KPNA5: variants seen among roughly 807,000 people sequenced by gnomAD.
KPNA5 encodes the protein importin subunit alpha-6.
In KPNA5, 46 loss-of-function variants were observed where a neutral mutation model predicts 71.3. The ratio of observed to expected loss-of-function variants is 0.65; its 90% CI spans 0.51 to 0.83. The LOEUF is 0.83. Among genes scored for constraint, KPNA5 ranks in the 40% least tolerant of loss-of-function variants. The pLI is 0.00. For synonymous variants in KPNA5, 207 were observed against 201.4 expected (o/e 1.03, Z -0.24); for missense variants, 547 against 628.3 (o/e 0.87, Z 1.38).
rs1339276318 is a variant in KPNA5 at position 116,692,133 on chromosome 6, A to G, written c.217A>G (p.Ser73Gly). Residue 73 changes from serine to glycine, a missense_variant, in exon 3 of 14, where the codon AGT becomes GGT. Transcript: ENST00000368564. ...LESPIQDPDI[S>G]STVPIPEEEV... ...AAGTCCTATACAGGATCCAGATATT[A>G]GTTCCACTGTACCCATTCCAGAGGT... 6.2e-7 allele frequency: 1 copy of G among 1,609,176 alleles called. No individual in the cohort carries two copies. Among genetic ancestry groups the G allele is most frequent in the East Asian group, 2.2e-5 (1 of 44,750 alleles).
At chr6:116,704,847 G>T (rs1451557741) in intron 6 of KPNA5, among the ~76,000 whole-genome samples, 1 of 152,138 alleles carries the variant, frequency 6.6e-6, no homozygotes, top group Admixed American at 6.6e-5. Context: ...AAAGTGCTGG[G>T]ATTACACGCG....
chr6:116,700,465 T>TA (rs1330449295), intron 5 of KPNA5, among the ~76,000 whole-genome samples: 1 of 151,688 alleles, frequency 6.6e-6, no homozygotes, highest in African/African-American at 2.4e-5. Context: ...TCTAAATAAA[T>TA]AAACAAACAA....
intron 1 of KPNA5, among the ~76,000 whole-genome samples, chr6:116,687,169 A>G (rs1278674711): frequency 6.6e-6 from 1 of 152,176 alleles, no homozygotes; most frequent in Non-Finnish European, 1.5e-5. Flanking sequence ...CAAGCATGGA[A>G]TGTTTTTCCA....
intron 8 of KPNA5, among the ~76,000 whole-genome samples, chr6:116,721,371 T>C (rs1045630432): frequency 6.6e-6 from 1 of 152,176 alleles, no homozygotes; most frequent in African/African-American, 2.4e-5. Flanking sequence ...CAGGCTGGTC[T>C]CGAACTCCTG....
rs1003773802 is a variant in KPNA5, at chr6:116,736,648, A to G, written c.*4325A>G. Reference sequence around the variant, plus strand: ...TAGGATCCATGGATTTATAGTTTTCATCAAATTTGAAAACACAGCAATTAT... The same window carrying G: ...TAGGATCCATGGATTTATAGTTTTCGTCAAATTTGAAAACACAGCAATTAT... On this transcript the variant is annotated 3_prime_UTR_variant, in exon 14 of 14. Coordinates refer to ENST00000368564, the MANE Select transcript of KPNA5 (RefSeq NM_001366306.2). The G allele has an allele frequency of 1.4e-4, 21 of 151,996 alleles. No homozygotes were observed. Among genetic ancestry groups the G allele is most frequent in the African/African-American group, 4.8e-4 (20 of 41,434 alleles). 9.4% of individuals were successfully genotyped at this position (151,996 alleles called of 1,614,324 possible). A position where few individuals can be genotyped will look rare whatever the true frequency, so the allele number is the denominator to read the frequency against.
rs758761348 is a variant in KPNA5 at position 116,705,069 on chromosome 6, A to C, written c.568-3A>C. On this transcript the variant is annotated splice_polypyrimidine_tract_variant and splice_region_variant and intron_variant, in intron 6 of 13. Coordinates refer to ENST00000368564, the MANE Select transcript of KPNA5 (RefSeq NM_001366306.2). Reference sequence around the variant, plus strand: ...TCTTAAGATAATTTTTTTTTTTCCTAAGGCTGTTTGGGCACTTGGTAATAT... The same window carrying C: ...TCTTAAGATAATTTTTTTTTTTCCTCAGGCTGTTTGGGCACTTGGTAATAT... 1.9e-6 allele frequency: 3 copies of C among 1,600,320 alleles called. No individual in the cohort carries two copies. In the South Asian group the frequency reaches 3.4e-5, roughly 18 times the overall value.
chr6:116,713,612 T>C (rs1224745240), intron 7 of KPNA5, among the ~76,000 whole-genome samples: 1 of 152,180 alleles, frequency 6.6e-6, no homozygotes, highest in African/African-American at 2.4e-5. Flanking sequence ...TTTCAGTAAT[T>C]ATTTCTTCAG....
chr6:116,692,874 A>ATCCCTCC (rs750204981), intron 4 of KPNA5, among the ~76,000 whole-genome samples: 1 of 152,240 alleles, frequency 6.6e-6, no homozygotes, highest in South Asian at 2.1e-4. Context: ...TCCTAATGCT[A>ATCCCTCC]TCCCTCCTCC....
intron 7 of KPNA5, among the ~76,000 whole-genome samples, chr6:116,712,401 G>A (rs1364748227): frequency 2.0e-5 from 3 of 152,064 alleles, no homozygotes; most frequent in Non-Finnish European, 4.4e-5. Flanking sequence ...CGGCCTTTTG[G>A]CTAAGATCAA....
At chr6:116,689,865 A>G (rs541645771) in intron 2 of KPNA5, among the ~76,000 whole-genome samples, 94 of 152,120 alleles carry the variant, frequency 6.2e-4, no homozygotes, top group Non-Finnish European at 1.1e-3. Context: ...CTGTTCCCCC[A>G]TTGTCTTATT....
chr6:116,702,131 A>G lies in KPNA5; in HGVS notation c.548A>G (p.His183Arg). 4 of 1,613,920 alleles carry G rather than the reference A, an allele frequency of 2.5e-6. No homozygotes were observed. The highest frequency in any genetic ancestry group is 3.4e-6 in the Non-Finnish European group (4 of 1,179,960). ...PIFIKLLNSE[H>R]EDVQEQAVWA... ...TTTATCAAACTTCTTAATTCTGAAC[A>G]TGAAGATGTTCAGGAACAGGTACGT... Residue 183 changes from histidine to arginine, a missense_variant, in exon 6 of 14, where the codon CAT (histidine) becomes CGT (arginine). His to Arg is a conservative substitution (Grantham distance 29, BLOSUM62 0). Coordinates refer to ENST00000368564, the MANE Select transcript of KPNA5 (RefSeq NM_001366306.2).
intron 4 of KPNA5, among the ~76,000 whole-genome samples, chr6:116,692,907 C>T (rs1186424558): frequency 6.6e-6 from 1 of 152,058 alleles, no homozygotes; most frequent in African/African-American, 2.4e-5. Context: ...CACAACAGGC[C>T]CCGGTGTGTC....
Position 116,738,676 on chromosome 6 carries a change from G to A in KPNA5, c.*6353G>A. On this transcript the variant is annotated 3_prime_UTR_variant, in exon 14 of 14. Transcript: ENST00000368564. ...CATGATCAAGTGGGCTTCATCCCTG[G>A]GATGCAAGGCTGGTTCAATATACGC... 1 of 151,314 alleles carries A rather than the reference G, an allele frequency of 6.6e-6. No individual in the cohort carries two copies. Among genetic ancestry groups the A allele is most frequent in the Non-Finnish European group, 1.5e-5 (1 of 67,538 alleles). The allele number at this position is 151,314 out of a possible 1,614,324, so 9.4% of individuals were successfully genotyped here.
chr6:116,710,873 TTATA>T (rs1215252100), intron 7 of KPNA5, among the ~76,000 whole-genome samples: 5 of 84,882 alleles, frequency 5.9e-5, no homozygotes, highest in Non-Finnish European at 9.1e-5. Flanking sequence ...TAATATTATT[TTATA>T]TATATATATA....
At position 116,702,001 on chromosome 6, in the gene KPNA5, C is replaced by G. The variant is rs781085502; in HGVS notation, c.436-18C>G. On this transcript the variant is annotated intron_variant, in intron 5 of 13. Transcript: ENST00000368564. The stretch of plus-strand genomic sequence containing the variant: ...TTCTTTGGTTCTTTCATTTATTTTA[C>G]CTTTTTTTTCTTCTTAGTTTGAAGC... 4 of 1,597,014 alleles carry G rather than the reference C, an allele frequency of 2.5e-6. No individual in the cohort carries two copies. The highest frequency in any genetic ancestry group is 2.6e-6 in the Non-Finnish European group (3 of 1,175,074).
At position 116,736,866 on chromosome 6, in the gene KPNA5, CATT is replaced by C. The variant is rs1369274218; in HGVS notation, c.*4544_*4546del. On this transcript the variant is annotated 3_prime_UTR_variant, in exon 14 of 14. Transcript: ENST00000368564. The stretch of plus-strand genomic sequence containing the variant: ...CCATTAGTGTATTTTTTATGTCAGA[CATT>C]GTGTATTTTATCTTTAAAAATTCAA... The C allele has an allele frequency of 2.0e-5, 3 of 151,782 alleles. No homozygotes were observed. Among genetic ancestry groups the C allele is most frequent in the Non-Finnish European group, 4.4e-5 (3 of 67,842 alleles). 9.4% of individuals were successfully genotyped at this position (151,782 alleles called of 1,614,324 possible).
At chr6:116,732,050 A>T (rs1779501728) in intron 13 of KPNA5, 86 bp from the exon 14 acceptor site, 1 of 240,436 alleles carries the variant, frequency 4.2e-6, no homozygotes, top group Admixed American at 6.3e-5. Flanking sequence ...TTAAACATAT[A>T]CTGAAATTGT....
rs1779826434 is a variant in KPNA5, at chr6:116,740,330, A to T, written c.*8007A>T. 1 of 152,192 alleles carries T rather than the reference A, an allele frequency of 6.6e-6. No individual in the cohort carries two copies. The highest frequency in any genetic ancestry group is 2.4e-5 in the African/African-American group (1 of 41,450). 9.4% of individuals were successfully genotyped at this position (152,192 alleles called of 1,614,324 possible). ...CACCAGTCAGAATGGCAATCATTAA[A>T]AAGTCAGGAAACAACAGGTGCTGGA... On this transcript the variant is annotated 3_prime_UTR_variant, in exon 14 of 14. Coordinates refer to ENST00000368564, the MANE Select transcript of KPNA5 (RefSeq NM_001366306.2).
At chr6:116,692,592 G>A (rs1464527395) in intron 4 of KPNA5, among the ~76,000 whole-genome samples, 200 bp downstream of exon 4, 2 of 151,754 alleles carry the variant, frequency 1.3e-5, no homozygotes, top group African/African-American at 2.4e-5. Context: ...TAGAAAAATC[G>A]TAAAAATATA....
Sources: allele counts gnomAD v4.1 joint callset (sites outside exome capture counted in the v4.1 genomes callset), GRCh38; gene constraint gnomAD v4.1.1; transcripts MANE v1.5; gene names NCBI Gene and HGNC (gene_info 2026-07-23, HGNC 2026-07-21).